The following SLC9A2 variants were observed in gnomAD, a reference collection of about 807,000 sequenced individuals.
SLC9A2 encodes solute carrier family 9 member A2.
Under a neutral mutation model 71.7 loss-of-function variants are expected in SLC9A2, and 42 were observed. The observed-to-expected ratio is 0.59, with a 90% CI of 0.46 to 0.76. SLC9A2 has a LOEUF of 0.76. Ranked by LOEUF, SLC9A2 falls within the 30% of genes least tolerant of loss-of-function variation. SLC9A2 has a pLI of 0.00. For synonymous variants in SLC9A2, 396 were observed against 392.5 expected (o/e 1.01, Z -0.10); for missense variants, 829 against 1,017.4 (o/e 0.81, Z 2.52).
intron 1 of SLC9A2, among the ~76,000 whole-genome samples, chr2:102,654,738 C>A (rs527758459): frequency 2.6e-5 from 4 of 152,252 alleles, no homozygotes; most frequent in South Asian, 2.1e-4. Flanking sequence ...CATCATAGGG[C>A]GTGCTTACAC....
intron 1 of SLC9A2, among the ~76,000 whole-genome samples, chr2:102,621,195 G>C (rs1481799627): frequency 6.6e-6 from 1 of 151,518 alleles, no homozygotes; most frequent in Non-Finnish European, 1.5e-5. Flanking sequence ...AGGTAGCCTG[G>C]TGTTGTGGTG....
intron 1 of SLC9A2, among the ~76,000 whole-genome samples, chr2:102,656,211 T>A (rs1052462688): frequency 1.3e-5 from 2 of 151,638 alleles, no homozygotes; most frequent in African/African-American, 2.4e-5. Flanking sequence ...GTTGCCTCCA[T>A]GTGCTGGCCC....
intron 2 of SLC9A2, among the ~76,000 whole-genome samples, chr2:102,658,365 T>A (rs1296383051): frequency 1.3e-5 from 2 of 152,078 alleles, no homozygotes; most frequent in South Asian, 2.1e-4. Context: ...ACTCTGATGA[T>A]TTATCATTTT....
intron 11 of SLC9A2, among the ~76,000 whole-genome samples, chr2:102,707,225 T>A (rs1034291140): frequency 3.3e-5 from 5 of 151,544 alleles, no homozygotes; most frequent in Non-Finnish European, 7.4e-5. Context: ...ATGTAACAAA[T>A]CTGCACATGT....
chr2:102,657,045 G>T (rs1450854136), intron 1 of SLC9A2, among the ~76,000 whole-genome samples: 1 of 151,922 alleles, frequency 6.6e-6, no homozygotes, highest in Non-Finnish European at 1.5e-5. Flanking sequence ...TCTCTATTAA[G>T]AATGCAAAAA....
At chr2:102,632,027 T>TACACATACACACAC (rs1558701250) in intron 1 of SLC9A2, among the ~76,000 whole-genome samples, 1 of 76,972 alleles carries the variant, frequency 1.3e-5, no homozygotes, top group African/African-American at 4.8e-5. Context: ...TATATATATA[T>TACACATACACACAC]ATATATATAT....
At chr2:102,680,535 G>C (rs1365128701) in intron 3 of SLC9A2, among the ~76,000 whole-genome samples, 1 of 152,052 alleles carries the variant, frequency 6.6e-6, no homozygotes. Context: ...CAGTGTGACA[G>C]AGCTCCTGCT....
At position 102,665,127 on chromosome 2, in the gene SLC9A2, T is replaced by G; in HGVS notation, c.781T>G (p.Cys261Gly). Residue 261 changes from cysteine (C) to glycine (G), a missense_variant, in exon 3 of 12, where the codon TGC becomes GGC. Cys to Gly is a radical substitution (Grantham distance 159). Transcript: ENST00000233969. ...CCTGTACAACTTGTTCAAGTCGTTT[T>G]GCCAGATGAAAACCATTGAGACCAT... is the stretch of plus-strand genomic sequence containing the variant. The part of the protein sequence containing the change: ...VVLYNLFKSF[C>G]QMKTIETIDV... The G allele has an allele frequency of 6.2e-7, 1 of 1,614,132 alleles. No individual in the cohort carries two copies. Among genetic ancestry groups the G allele is most frequent in the Non-Finnish European group, 8.5e-7 (1 of 1,180,022 alleles).
chr2:102,707,989 A>G, intron 11 of SLC9A2, 130 bp from the exon 12 acceptor site: 2 of 967,896 alleles, frequency 2.1e-6, no homozygotes, highest in Non-Finnish European at 3.1e-6. Flanking sequence ...AAATTAGCAT[A>G]AGCCTGCTAG....
chr2:102,690,220 A>C (rs1677632021), intron 5 of SLC9A2, among the ~76,000 whole-genome samples: 1 of 152,214 alleles, frequency 6.6e-6, no homozygotes, highest in Non-Finnish European at 1.5e-5. Flanking sequence ...TTACACAGGA[A>C]GGAGAGAAGA....
chr2:102,674,640 G>C (rs1391489149), intron 3 of SLC9A2, among the ~76,000 whole-genome samples: 2 of 152,194 alleles, frequency 1.3e-5, no homozygotes, highest in Admixed American at 6.5e-5. Context: ...GTAGTCAGGA[G>C]CCCAGCTGAA....
At chr2:102,695,780 ATATATATATTATATATATAT>A (rs1460237860) in intron 7 of SLC9A2, among the ~76,000 whole-genome samples, 20 of 14,588 alleles carry the variant, frequency 1.4e-3, no homozygotes, top group East Asian at 4.2e-3. Context: ...AATATATATT[ATATATATATTATATATATAT>A]TATATATATA....
intron 1 of SLC9A2, among the ~76,000 whole-genome samples, chr2:102,629,401 A>G (rs939430101): frequency 5.3e-5 from 8 of 152,078 alleles, no homozygotes; most frequent in Non-Finnish European, 1.0e-4. Flanking sequence ...TGTTTTCTAT[A>G]TCTACATTTT....
intron 5 of SLC9A2, among the ~76,000 whole-genome samples, chr2:102,685,165 G>A (rs550258402): frequency 6.6e-6 from 1 of 152,316 alleles, no homozygotes; most frequent in Admixed American, 6.5e-5. Context: ...TGCAGGAGGT[G>A]GAGGAATTAG....
intron 1 of SLC9A2, among the ~76,000 whole-genome samples, chr2:102,625,769 T>C (rs1186715677): frequency 2.0e-5 from 3 of 152,160 alleles, no homozygotes; most frequent in East Asian, 1.9e-4. Flanking sequence ...TGAGTAGTGC[T>C]GCAATAAACA....
intron 3 of SLC9A2, among the ~76,000 whole-genome samples, chr2:102,676,155 A>C (rs1452325454): frequency 6.6e-6 from 1 of 152,182 alleles, no homozygotes; most frequent in Non-Finnish European, 1.5e-5. Flanking sequence ...CTGGTGCAGG[A>C]TTGTTGCATG....
chr2:102,658,710 T>TA (rs755487023), intron 2 of SLC9A2, among the ~76,000 whole-genome samples: 62 of 152,136 alleles, frequency 4.1e-4, no homozygotes, highest in Admixed American at 2.7e-3. Context: ...CAGGGGCTGT[T>TA]ATGATCTTAA....
rs1044959499 is a variant in SLC9A2, at chr2:102,704,424, T to G, written c.1846-120T>G. 4 of 814,368 alleles carry G rather than the reference T, an allele frequency of 4.9e-6. No individual in the cohort carries two copies. In the Admixed American group the frequency reaches 7.4e-5, roughly 15 times the overall value. 50.4% of individuals were successfully genotyped at this position (814,368 alleles called of 1,614,324 possible). Reference sequence around the variant, plus strand: ...TTTAATTTTTTGCTCTGCACAGAAGTTATAAGTGCTTAGCTGAGGTGCAGA... The same window carrying G: ...TTTAATTTTTTGCTCTGCACAGAAGGTATAAGTGCTTAGCTGAGGTGCAGA... On this transcript the variant is annotated intron_variant, in intron 9 of 11. Coordinates refer to ENST00000233969, the MANE Select transcript of SLC9A2 (RefSeq NM_003048.6).
chr2:102,645,938 AG>A (rs1676714851), intron 1 of SLC9A2, among the ~76,000 whole-genome samples: 1 of 152,206 alleles, frequency 6.6e-6, no homozygotes, highest in South Asian at 2.1e-4. Flanking sequence ...ATTCAAATTC[AG>A]GAAACACAGA....
Sources: allele counts gnomAD v4.1 joint callset (sites outside exome capture counted in the v4.1 genomes callset), GRCh38; gene constraint gnomAD v4.1.1; transcripts MANE v1.5; gene names NCBI Gene and HGNC (gene_info 2026-07-23, HGNC 2026-07-21).